CEP128: variants seen among roughly 807,000 people sequenced by gnomAD.
CEP128 encodes the protein centrosomal protein 128kDa.
Under a neutral mutation model 156.7 loss-of-function variants are expected in CEP128, and 132 were observed. The observed-to-expected ratio is 0.84, with a 90% CI of 0.73 to 0.97. The LOEUF (loss-of-function observed/expected upper bound fraction) is 0.97, where lower values mean the gene tolerates loss of function less well. Among genes scored for constraint, CEP128 ranks in the 50% least tolerant of loss-of-function variants. CEP128 has a pLI of 0.00. For missense variants in CEP128, 1,252 were observed against 1,281.9 expected, an observed-to-expected ratio of 0.98 and a Z score of 0.36; for synonymous variants, 469 against 448.9, an observed-to-expected ratio of 1.04 and a Z score of -0.57.
chr14:80,628,810 A>G (rs1893841471), intron 19 of CEP128, among the ~76,000 whole-genome samples: 1 of 150,474 alleles, frequency 6.6e-6, no homozygotes, highest in African/African-American at 2.5e-5. Flanking sequence ...CTAAGATAGT[A>G]GGATGTGAGC....
In CEP128 at chr14:80,586,975, A is replaced by G. The variant is rs1156693021; in HGVS notation, c.2807-6552T>C. Among the ~76,000 whole-genome samples, 4 of 152,224 alleles carry G rather than the reference A, an allele frequency of 2.6e-5. No individual in the cohort carries two copies. In the East Asian group the frequency reaches 7.7e-4, roughly 29 times the overall value. On this transcript the variant is annotated intron_variant, in intron 19 of 24. Transcript: ENST00000555265. ...CAACAATCAAATGTGTTGGGCTTTC[A>G]GTTAATATATGTAAAACATTTAAAA...
intron 19 of CEP128, among the ~76,000 whole-genome samples, chr14:80,604,015 CAAAAAGTTATTACTAAAACTTTCAA>C: frequency 6.6e-6 from 1 of 152,148 alleles, no homozygotes; most frequent in South Asian, 2.1e-4. Context: ...CAGGTAAAAA[CAAAAAGTTATTACTAAAACTTTCAA>C]AAAAGCAATA....
chr14:80,605,007 T>C (rs921980323), intron 19 of CEP128, among the ~76,000 whole-genome samples: 6 of 152,092 alleles, frequency 3.9e-5, no homozygotes, highest in East Asian at 1.9e-4. Context: ...ATTCAAAGTA[T>C]GCAATATGGT....
intron 19 of CEP128, among the ~76,000 whole-genome samples, chr14:80,687,474 G>C (rs1362854852): frequency 6.6e-6 from 1 of 152,060 alleles, no homozygotes; most frequent in Non-Finnish European, 1.5e-5. Context: ...AAGCATATTA[G>C]TGCAGTAACA....
intron 19 of CEP128, among the ~76,000 whole-genome samples, chr14:80,611,089 G>A (rs955622206): frequency 6.6e-6 from 1 of 152,012 alleles, no homozygotes; most frequent in Non-Finnish European, 1.5e-5. Context: ...GTATTTTTCA[G>A]TAAATCTTTT....
intron 8 of CEP128, among the ~76,000 whole-genome samples, chr14:80,873,612 A>G (rs893051945): frequency 5.9e-5 from 9 of 152,180 alleles, no homozygotes; most frequent in African/African-American, 2.2e-4. Flanking sequence ...ACTCAGCTTT[A>G]CAGGGACCTC....
rs758529083 is a variant in CEP128, at chr14:80,836,289, C to G, written c.973G>C (p.Gly325Arg). Residue 325 changes from glycine to arginine, a missense_variant, in exon 12 of 25, where the codon GGT (glycine) becomes CGT (arginine). Gly to Arg is a moderately radical substitution (Grantham distance 125, BLOSUM62 -2). Transcript: ENST00000555265. ...ATCTGAGATACTTGATGCTGTAAAC[C>G]CTTTCGATCACCTTCTGCTTTCGTA... ...QLTKAEGDRK[G>R]LQHQVSQISK... The G allele has an allele frequency of 1.2e-6, 2 of 1,613,816 alleles. No individual in the cohort carries two copies. The highest frequency in any genetic ancestry group is 8.5e-7 in the Non-Finnish European group (1 of 1,179,928).
At chr14:80,831,914 A>T (rs1052615884) in intron 12 of CEP128, among the ~76,000 whole-genome samples, 21 of 152,164 alleles carry the variant, frequency 1.4e-4, no homozygotes, top group Non-Finnish European at 2.8e-4. Flanking sequence ...TTACATCCTG[A>T]TGTGGTTTGG....
intron 19 of CEP128, among the ~76,000 whole-genome samples, chr14:80,615,507 G>A (rs1311821552): frequency 6.6e-6 from 1 of 152,192 alleles, no homozygotes; most frequent in Non-Finnish European, 1.5e-5. Context: ...GCCTCATGGT[G>A]AATGGTTGTG....
intron 13 of CEP128, among the ~76,000 whole-genome samples, chr14:80,810,347 A>AAAAAAAAAAAAAAAAAAACAAAAAC (rs1884451539): frequency 6.7e-6 from 1 of 148,966 alleles, no homozygotes; most frequent in Non-Finnish European, 1.5e-5. Context: ...AAAAAAAAAA[A>AAAAAAAAAAAAAAAAAAACAAAAAC]AGAATATACA....
At chr14:80,904,957 G>A (rs1883800341) in intron 5 of CEP128, 26 bp from the exon 6 acceptor site, 1 of 1,294,864 alleles carries the variant, frequency 7.7e-7, no homozygotes, top group East Asian at 2.3e-5. Flanking sequence ...AAAAGGGAAG[G>A]TATTAAAATA....
intron 22 of CEP128, among the ~76,000 whole-genome samples, chr14:80,529,038 C>G (rs961483537): frequency 6.6e-6 from 1 of 152,116 alleles, no homozygotes; most frequent in Non-Finnish European, 1.5e-5. Context: ...AGCAGCAGGG[C>G]GAAGCAGATG....
chr14:80,700,750 T>G (rs1213244202), intron 19 of CEP128, among the ~76,000 whole-genome samples: 1 of 152,170 alleles, frequency 6.6e-6, no homozygotes, highest in Non-Finnish European at 1.5e-5. Flanking sequence ...AATGTAATAT[T>G]CAGCTTCTGG....
intron 19 of CEP128, among the ~76,000 whole-genome samples, chr14:80,686,733 T>C (rs1449281576): frequency 6.6e-6 from 1 of 151,872 alleles, no homozygotes; most frequent in Non-Finnish European, 1.5e-5. Flanking sequence ...CAAAGGAAAA[T>C]CTACCAAGCA....
chr14:80,712,489 C>G (rs1225114723), intron 19 of CEP128, among the ~76,000 whole-genome samples: 1 of 152,118 alleles, frequency 6.6e-6, no homozygotes, highest in Non-Finnish European at 1.5e-5. Flanking sequence ...CACACTGTCC[C>G]TGGAAGGACT....
At chr14:80,815,691 A>G (rs1291196406) in intron 13 of CEP128, among the ~76,000 whole-genome samples, 3 of 152,240 alleles carry the variant, frequency 2.0e-5, no homozygotes, top group African/African-American at 7.2e-5. Flanking sequence ...GGATGAATGG[A>G]TTTTTGAAAA....
intron 18 of CEP128, among the ~76,000 whole-genome samples, chr14:80,755,635 G>T (rs1192751421): frequency 1.3e-5 from 2 of 152,204 alleles, no homozygotes; most frequent in Non-Finnish European, 2.9e-5. Flanking sequence ...CAAGACGTCA[G>T]AATGGACTAT....
intron 2 of CEP128, among the ~76,000 whole-genome samples, chr14:80,951,986 T>G (rs1886475680): frequency 6.6e-6 from 1 of 151,982 alleles, no homozygotes; most frequent in African/African-American, 2.4e-5. Context: ...TCAAAATACA[T>G]GAACTTTAAA....
At chr14:80,873,050 C>T (rs1333847373) in intron 8 of CEP128, among the ~76,000 whole-genome samples, 2 of 152,162 alleles carry the variant, frequency 1.3e-5, no homozygotes, top group African/African-American at 4.8e-5. Flanking sequence ...AACATCACAA[C>T]TTGATGTAAG....
Sources: gnomAD v4.1 joint callset for allele counts (sites outside exome capture counted in the v4.1 genomes callset) on GRCh38, gnomAD v4.1.1 for gene constraint, MANE v1.5 for transcripts, NCBI Gene and HGNC (gene_info 2026-07-23, HGNC 2026-07-21) for gene names.